The following DPP10 variants were observed in gnomAD, a reference collection of about 807,000 sequenced individuals.
DPP10 encodes inactive dipeptidyl peptidase 10.
Under a neutral mutation model 120.9 loss-of-function variants are expected in DPP10, and 33 were observed. The observed-to-expected ratio is 0.27, with a 90% confidence interval of 0.21 to 0.37. DPP10 has a LOEUF of 0.37. DPP10 is among the 10% of genes least tolerant of loss of function. The pLI, the probability that DPP10 is intolerant of heterozygous loss-of-function variation, is 1.00. For missense variants in DPP10, 816 were observed against 942.8 expected, an observed-to-expected ratio of 0.87 and a Z score of 1.76; for synonymous variants, 337 against 326.1, an observed-to-expected ratio of 1.03 and a Z score of -0.36.
chr2:115,534,145 A>T (rs971217224), intron 5 of DPP10, among the ~76,000 whole-genome samples: 8 of 151,802 alleles, frequency 5.3e-5, no homozygotes, highest in Non-Finnish European at 8.8e-5. Context: ...GTTTTAGGGT[A>T]CATGTGCACA....
intron 1 of DPP10, among the ~76,000 whole-genome samples, chr2:114,475,166 T>C (rs189929652): frequency 2.0e-5 from 3 of 152,194 alleles, no homozygotes; most frequent in African/African-American, 7.2e-5. Context: ...CACACAAGCA[T>C]GTTATTTTTC....
intron 5 of DPP10, among the ~76,000 whole-genome samples, chr2:115,603,251 C>A (rs2083458529): frequency 6.6e-6 from 1 of 151,552 alleles, no homozygotes; most frequent in Non-Finnish European, 1.5e-5. Flanking sequence ...CAAGACACAG[C>A]CTGTGGTCTC....
At chr2:115,577,240 C>T (rs1220780656) in intron 5 of DPP10, among the ~76,000 whole-genome samples, 1 of 152,126 alleles carries the variant, frequency 6.6e-6, no homozygotes, top group Non-Finnish European at 1.5e-5. Context: ...AATATCTCTT[C>T]CTGCCTAGGG....
intron 15 of DPP10, among the ~76,000 whole-genome samples, chr2:115,778,078 TTTC>T (rs1260683379): frequency 1.3e-5 from 2 of 152,104 alleles, no homozygotes; most frequent in Non-Finnish European, 2.9e-5. Context: ...GCTTTTGCAG[TTTC>T]TTAATATCTT....
Position 114,907,444 on chromosome 2 carries a change from T to TAGAATA in DPP10, c.61-401795_61-401794insAGAATA, listed in dbSNP as rs1466658371. On this transcript the variant is annotated intron_variant, in intron 1 of 25. Transcript: ENST00000410059. Reference sequence around the variant, plus strand: ...TAAATATAGAATTTACAGCTATATATTTATCTTAAAGCGCTGCTTTTGCTG... The same window carrying TAGAATA: ...TAAATATAGAATTTACAGCTATATATAGAATATTATCTTAAAGCGCTGCTTTTGCTG... Among the ~76,000 whole-genome samples the TAGAATA allele has an allele frequency of 1.4e-4, 22 of 152,246 alleles. No homozygotes were observed. The South Asian group carries it at 4.6e-3, about 32-fold the overall frequency.
chr2:115,667,574 C>T lies in DPP10; in HGVS notation c.442-22113C>T, dbSNP rs139115718. ...CTTCTCCAAATGTCTTGCCACTTAT[C>T]CCAGCACCATTTATTAAAAAGGGAG... On this transcript the variant is annotated intron_variant, in intron 5 of 25. Transcript: ENST00000410059. Among the ~76,000 whole-genome samples the T allele has an allele frequency of 2.6e-5, 4 of 152,204 alleles. No individual in the cohort carries two copies. The East Asian group carries it at 7.7e-4, about 29-fold the overall frequency.
chr2:115,799,517 T>A (rs1371797828), intron 19 of DPP10, among the ~76,000 whole-genome samples: 3 of 151,896 alleles, frequency 2.0e-5, no homozygotes, highest in African/African-American at 7.3e-5. Context: ...ATGTGCCATG[T>A]TGGTGTGCTG....
At chr2:114,937,597 T>G (rs1696578031) in intron 1 of DPP10, among the ~76,000 whole-genome samples, 1 of 152,160 alleles carries the variant, frequency 6.6e-6, no homozygotes, top group African/African-American at 2.4e-5. Flanking sequence ...CTTGTGGCAC[T>G]GGTTGACTAT....
At chr2:114,557,554 C>T (rs1032970940) in intron 1 of DPP10, among the ~76,000 whole-genome samples, 1 of 152,120 alleles carries the variant, frequency 6.6e-6, no homozygotes, top group African/African-American at 2.4e-5. Flanking sequence ...GGCAAGCCAG[C>T]AGTGAGGGTT....
chr2:115,394,963 A>G (rs1252626579), intron 3 of DPP10, among the ~76,000 whole-genome samples: 1 of 152,206 alleles, frequency 6.6e-6, no homozygotes, highest in African/African-American at 2.4e-5. Flanking sequence ...TGATGGAAAA[A>G]TAAGTGAGTT....
chr2:114,745,205 C>T (rs1678463746), intron 1 of DPP10, among the ~76,000 whole-genome samples: 1 of 152,104 alleles, frequency 6.6e-6, no homozygotes, highest in South Asian at 2.1e-4. Context: ...GTTTTGAAAA[C>T]AGCTTCAGAG....
intron 1 of DPP10, among the ~76,000 whole-genome samples, chr2:115,155,600 A>G (rs1024366804): frequency 2.0e-5 from 3 of 152,216 alleles, no homozygotes; most frequent in African/African-American, 4.8e-5. Flanking sequence ...TTACGGTCTA[A>G]TTGTTAAGTG....
chr2:114,849,641 C>T (rs567000598), intron 1 of DPP10, among the ~76,000 whole-genome samples: 151 of 152,216 alleles, frequency 9.9e-4, no homozygotes, highest in African/African-American at 3.5e-3. Context: ...AGTGAGCCAC[C>T]GTGAGTGGCC....
intron 1 of DPP10, among the ~76,000 whole-genome samples, chr2:114,493,722 GA>G (rs1682211806): frequency 6.6e-6 from 1 of 152,118 alleles, no homozygotes; most frequent in African/African-American, 2.4e-5. Context: ...TTTGAATAAA[GA>G]ATAGAACATC....
rs559707243 is a variant in DPP10, at chr2:114,750,622, C to G, written c.60+307784C>G. 6.2e-4 allele frequency among the ~76,000 whole-genome samples: 94 copies of G among 152,292 alleles called. 1 individual carries two copies. Among genetic ancestry groups the G allele is most frequent in the African/African-American group, 2.1e-3 (88 of 41,564 alleles). ...TGCTGGGAATACAGGCGTGAGCCAC[C>G]GCTCCCAGCCACATCAATACTTTTA... is the stretch of plus-strand genomic sequence containing the variant. On this transcript the variant is annotated intron_variant, in intron 1 of 25. Transcript: ENST00000410059.
chr2:115,629,321 A>G lies in DPP10; in HGVS notation c.442-60366A>G, dbSNP rs4408737. Reference sequence around the variant, plus strand: ...AGCAGCATGATTTATAATCCTTTGGATATATACCCAGTAATGGGATGGCTG... The same window carrying G: ...AGCAGCATGATTTATAATCCTTTGGGTATATACCCAGTAATGGGATGGCTG... On this transcript the variant is annotated intron_variant, in intron 5 of 25. Coordinates refer to ENST00000410059, the MANE Select transcript of DPP10 (RefSeq NM_020868.6). Among the ~76,000 whole-genome samples the G allele has an allele frequency of 2.5e-3, 379 of 152,016 alleles. 5 individuals carry two copies. The highest frequency in any genetic ancestry group is 0.014 in the Middle Eastern group (4 of 294).
chr2:115,661,581 A>G (rs1226819839), intron 5 of DPP10, among the ~76,000 whole-genome samples: 2 of 152,180 alleles, frequency 1.3e-5, no homozygotes, highest in East Asian at 1.9e-4. Flanking sequence ...TAAAGGCTCT[A>G]TGGAGTAGAA....
intron 4 of DPP10, among the ~76,000 whole-genome samples, chr2:115,518,862 T>C (rs1275344098): frequency 6.6e-6 from 1 of 152,162 alleles, no homozygotes; most frequent in Non-Finnish European, 1.5e-5. Flanking sequence ...CCATAGCTTT[T>C]ATATGCTGTA....
chr2:114,617,849 G>A (rs1312556859), intron 1 of DPP10, among the ~76,000 whole-genome samples: 5 of 152,050 alleles, frequency 3.3e-5, no homozygotes, highest in African/African-American at 1.2e-4. Flanking sequence ...CAGAGACTCT[G>A]GTTGTGTGTC....
Sources: gnomAD v4.1 joint callset for allele counts (sites outside exome capture counted in the v4.1 genomes callset) on GRCh38, gnomAD v4.1.1 for gene constraint, MANE v1.5 for transcripts, NCBI Gene and HGNC (gene_info 2026-07-23, HGNC 2026-07-21) for gene names.